The following QARS1 variants were observed in gnomAD, a reference collection of about 807,000 sequenced individuals.
QARS1 encodes glutamine--tRNA ligase.
QARS1 carries 79 observed loss-of-function variants against 106.9 expected under a neutral mutation model. The observed-to-expected ratio is 0.74, with a 90% CI of 0.62 to 0.89. The LOEUF is 0.89. QARS1 is among the 40% of genes least tolerant of loss of function. The pLI is 0.00. For missense variants in QARS1, 966 were observed against 997.2 expected (o/e 0.97, Z 0.42); for synonymous variants, 395 against 367.7 (o/e 1.07, Z -0.85).
chr3:49,103,952 T>C lies in QARS1; in HGVS notation c.286A>G (p.Ser96Gly). 2 of 1,613,900 alleles carry C rather than the reference T, an allele frequency of 1.2e-6. No homozygotes were observed. Among genetic ancestry groups the C allele is most frequent in the Non-Finnish European group, 1.7e-6 (2 of 1,179,990 alleles). Reference sequence around the variant, plus strand: ...GTGTCGATGGGGTCCAAGGGGTGACTCCGCACATACTCAAGGGCAGCTGAG... The same window carrying C: ...GTGTCGATGGGGTCCAAGGGGTGACCCCGCACATACTCAAGGGCAGCTGAG... ...QLSAALEYVRSHPLDPIDTVD... is the reference protein window; with the variant it reads ...QLSAALEYVRGHPLDPIDTVD... Residue 96 changes from serine (S) to glycine (G), a missense_variant, in exon 3 of 24, where the codon AGT (serine) becomes GGT (glycine). Physicochemically the swap from Ser to Gly is moderately conservative, Grantham distance 56. Transcript: ENST00000306125.
At chr3:49,101,135 C>T (rs914489120) in intron 10 of QARS1, among the ~76,000 whole-genome samples, 3 of 152,218 alleles carry the variant, frequency 2.0e-5, no homozygotes, top group Admixed American at 6.5e-5. Context: ...ACTGGCAACT[C>T]CCCCAAATTT....
intron 23 of QARS1, among the ~76,000 whole-genome samples, chr3:49,096,310 G>C (rs185650596): frequency 6.6e-6 from 1 of 152,342 alleles, no homozygotes; most frequent in South Asian, 2.1e-4. Flanking sequence ...TGGGGGTCCA[G>C]GGTATAGTTT....
chr3:49,099,735 C>T, intron 15 of QARS1, 26 bp downstream of exon 15: 1 of 1,613,648 alleles, frequency 6.2e-7, no homozygotes, highest in Non-Finnish European at 8.5e-7. Context: ...ACTGGCCCTA[C>T]CACCCCATGG....
rs749551140 is a variant in QARS1 at position 49,101,432 on chromosome 3, G to A, written c.799C>T (p.Arg267Trp). ...LEITGGQVRT[R>W]FPPEPNGILH... ...ATTCCATTGGGTTCTGGCGGGAACC[G>A]GGTACGTACCTAAAATAAGGGGGAT... The change falls in exon 10 of 24, where the codon CGG (arginine) becomes TGG (tryptophan). Residue 267 changes from arginine (R) to tryptophan (W), a missense_variant. By Grantham distance (101) the Arg-to-Trp change is moderately radical. Coordinates refer to ENST00000306125, the MANE Select transcript of QARS1 (RefSeq NM_005051.3). The A allele has an allele frequency of 5.6e-6, 9 of 1,612,990 alleles. No individual in the cohort carries two copies. Among genetic ancestry groups the A allele is most frequent in the Admixed American group, 1.7e-5 (1 of 60,002 alleles).
chr3:49,101,377 T>C lies in QARS1; in HGVS notation c.854A>G (p.Asn285Ser), dbSNP rs11539148. The C allele has an allele frequency of 0.055, 88,288 of 1,613,540 alleles. 2,813 individuals carry two copies. The highest frequency in any genetic ancestry group is 0.065 in the Non-Finnish European group (76,403 of 1,179,532). Residue 285 changes from asparagine (N) to serine (S), a missense_variant, in exon 10 of 24, where the codon AAT becomes AGT. Asn to Ser is a conservative substitution (Grantham distance 46). Transcript: ENST00000306125. Reference protein sequence around the residue: ...ILHIGHAKAINFNFGYAKANN... With the variant: ...ILHIGHAKAISFNFGYAKANN... ...TACCTTGGCATAGCCAAAGTTGAAA[T>C]TGATGGCTTTGGCATGTCCAATATG...
Position 49,099,154 on chromosome 3 carries a change from G to C in QARS1, c.1714C>G (p.Leu572Val), listed in dbSNP as rs1559966768. ...NDTAPRAMAV[L>V]ESLRVIITNF... ...GTGATGATGACCCGTAGTGACTCCA[G>C]CACAGCCATGGCTCGTGGGGCTGTG... is the stretch of plus-strand genomic sequence containing the variant. Residue 572 changes from leucine to valine, a missense_variant, in exon 18 of 24, where the codon CTG becomes GTG. Coordinates refer to ENST00000306125, the MANE Select transcript of QARS1 (RefSeq NM_005051.3). 3 of 1,614,194 alleles carry C rather than the reference G, an allele frequency of 1.9e-6. No individual in the cohort carries two copies. Among genetic ancestry groups the C allele is most frequent in the African/African-American group, 1.3e-5 (1 of 75,036 alleles).
In QARS1 at chr3:49,098,132, C is replaced by T; in HGVS notation, c.2152-15G>A. 6.2e-7 allele frequency: 1 copy of T among 1,614,218 alleles called. No homozygotes were observed. The highest frequency in any genetic ancestry group is 2.2e-5 in the East Asian group (1 of 44,876). On this transcript the variant is annotated splice_polypyrimidine_tract_variant and intron_variant, in intron 22 of 23. Transcript: ENST00000306125. ...TGTAGTGATGCCTGCAGGCAGGGAA[C>T]TCAGGCAACCATCCAACCAGGGAGG... is the stretch of plus-strand genomic sequence containing the variant.
chr3:49,098,657 G>A lies in QARS1; in HGVS notation c.1899C>T (p.Gly633=). The change falls in exon 20 of 24, where the codon GGC becomes GGT. Residue 633 remains glycine (G), a synonymous_variant. Transcript: ENST00000306125. ...PEPGFKRLAW[G]QPVGLRHTGY... ...CTGTATGCCTCAGGCCCACAGGCTG[G>A]CCCCAAGCCAGGCGCTTAAATCCTG... is the stretch of plus-strand genomic sequence containing the variant. 6.2e-7 allele frequency: 1 copy of A among 1,609,300 alleles called. No individual in the cohort carries two copies. The highest frequency in any genetic ancestry group is 8.5e-7 in the Non-Finnish European group (1 of 1,177,810).
chr3:49,101,755 G>C (rs1186813033), intron 8 of QARS1, 50 bp from the exon 9 acceptor site: 1 of 1,611,436 alleles, frequency 6.2e-7, no homozygotes, highest in Non-Finnish European at 8.5e-7. Flanking sequence ...CAAAGCCTCT[G>C]ACCCCAGGGG....
At chr3:49,104,029 AG>A in intron 2 of QARS1, 57 bp from the exon 3 acceptor site, 6 of 1,474,098 alleles carry the variant, frequency 4.1e-6, no homozygotes, top group Non-Finnish European at 5.6e-6. Context: ...GTGGACAGAC[AG>A]GGTCCTAATC....
At chr3:49,104,052 C>A (rs1268356566) in intron 2 of QARS1, 80 bp from the exon 3 acceptor site, 4 of 1,344,698 alleles carry the variant, frequency 3.0e-6, no homozygotes, top group African/African-American at 1.4e-5. Context: ...CATGAAACTC[C>A]AAGGATAGTC....
In QARS1 at chr3:49,096,043, GGTCTTCCTTCA is replaced by G; in HGVS notation, c.2303_2313del (p.Leu768ProfsTer10). The G allele has an allele frequency of 6.2e-7, 1 of 1,613,880 alleles. No homozygotes were observed. The highest frequency in any genetic ancestry group is 1.7e-5 in the Admixed American group (1 of 59,988). On this transcript the variant is annotated frameshift_variant, in exon 24 of 24. Coordinates refer to ENST00000306125, the MANE Select transcript of QARS1 (RefSeq NM_005051.3). LOFTEE classifies it high-confidence loss of function. Reference sequence around the variant, plus strand: ...GTGCTTCCAGCTCACACCTTTCCTGGGTCTTCCTTCAGTGTGACAGTTCGGTTAAAGACAAG... The same window carrying G: ...GTGCTTCCAGCTCACACCTTTCCTGGGTGTGACAGTTCGGTTAAAGACAAG...
chr3:49,096,592 G>A (rs1197460783), intron 23 of QARS1, among the ~76,000 whole-genome samples: 2 of 151,860 alleles, frequency 1.3e-5, no homozygotes, highest in Non-Finnish European at 2.9e-5. Flanking sequence ...GAGATCAGGA[G>A]ATCGAGACCA....
chr3:49,103,723 C>T lies in QARS1; in HGVS notation c.376-17G>A, dbSNP rs745755729. ...AGCCTCCACCTGCAGAAAGCCAAAC[C>T]ATGTGGTTCAGGAAAGCCACCTTTA... On this transcript the variant is annotated splice_polypyrimidine_tract_variant and intron_variant, in intron 3 of 23. Coordinates refer to ENST00000306125, the MANE Select transcript of QARS1 (RefSeq NM_005051.3). 1 of 1,612,854 alleles carries T rather than the reference C, an allele frequency of 6.2e-7. No individual in the cohort carries two copies. The highest frequency in any genetic ancestry group is 8.5e-7 in the Non-Finnish European group (1 of 1,179,428).
rs755259427 is a variant in QARS1 at position 49,099,156 on chromosome 3, A to G, written c.1712T>C (p.Val571Ala). The G allele has an allele frequency of 2.3e-5, 37 of 1,614,094 alleles. No individual in the cohort carries two copies. In the Admixed American group the frequency reaches 5.3e-4, roughly 23 times the overall value. Residue 571 changes from valine to alanine, a missense_variant, in exon 18 of 24, where the codon GTG (valine) becomes GCG (alanine). Coordinates refer to ENST00000306125, the MANE Select transcript of QARS1 (RefSeq NM_005051.3). ...LNDTAPRAMA[V>A]LESLRVIITN... ...GATGATGACCCGTAGTGACTCCAGCACAGCCATGGCTCGTGGGGCTGTGTC... is the reference window on the plus strand; with the variant it reads ...GATGATGACCCGTAGTGACTCCAGCGCAGCCATGGCTCGTGGGGCTGTGTC...
At chr3:49,099,021 C>T (rs769444269) in intron 18 of QARS1, 32 bp from the exon 19 acceptor site, 27 of 1,612,382 alleles carry the variant, frequency 1.7e-5, no homozygotes, top group Non-Finnish European at 2.3e-5. Context: ...AGGTATGAGT[C>T]ATACTCAGCA....
Position 49,104,113 on chromosome 3 carries a change from G to A in QARS1, c.266-141C>T, listed in dbSNP as rs552926859. ...GCACCACCACCCTAGAGAACACAGG[G>A]AAGAAAGAAGCACGTGTCGAGAGTG... is the stretch of plus-strand genomic sequence containing the variant. On this transcript the variant is annotated intron_variant, in intron 2 of 23. Coordinates refer to ENST00000306125, the MANE Select transcript of QARS1 (RefSeq NM_005051.3). 1.0e-4 allele frequency: 116 copies of A among 1,113,016 alleles called. 1 individual carries two copies. The highest frequency in any genetic ancestry group is 2.8e-4 in the South Asian group (22 of 78,074). 68.9% of individuals were successfully genotyped at this position (1,113,016 alleles called of 1,614,324 possible).
chr3:49,102,576 A>T lies in QARS1; in HGVS notation c.517-104T>A, dbSNP rs1027770109. ...AAGGCTTCCTGGCCTATCTACCAGC[A>T]CTGACTGAAAAAACCTACCTAGCCC... On this transcript the variant is annotated intron_variant, in intron 5 of 23. Coordinates refer to ENST00000306125, the MANE Select transcript of QARS1 (RefSeq NM_005051.3). The T allele has an allele frequency of 1.3e-5, 17 of 1,321,490 alleles. No individual in the cohort carries two copies. In the South Asian group the frequency reaches 2.1e-4, roughly 16 times the overall value. 81.9% of individuals were successfully genotyped at this position (1,321,490 alleles called of 1,614,324 possible).
In QARS1 at chr3:49,104,675, G is replaced by T; in HGVS notation, c.59C>A (p.Ala20Asp). ...AGCCGAGTTCTTGAGCGTCTCGCGGGCCTTCTGCTCGCTCAGGCCGAGGCT... is the reference window on the plus strand; with the variant it reads ...AGCCGAGTTCTTGAGCGTCTCGCGGTCCTTCTGCTCGCTCAGGCCGAGGCT... ...FTSLGLSEQKARETLKNSALS... is the reference protein window; with the variant it reads ...FTSLGLSEQKDRETLKNSALS... The change falls in exon 1 of 24, where the codon GCC becomes GAC. Residue 20 changes from alanine (A) to aspartate (D), a missense_variant. Ala to Asp is a moderately radical substitution (Grantham distance 126). Transcript: ENST00000306125. 1 of 1,610,706 alleles carries T rather than the reference G, an allele frequency of 6.2e-7. No homozygotes were observed. The highest frequency in any genetic ancestry group is 8.5e-7 in the Non-Finnish European group (1 of 1,177,722).
Sources: gnomAD v4.1 joint callset for allele counts (sites outside exome capture counted in the v4.1 genomes callset) on GRCh38, gnomAD v4.1.1 for gene constraint, MANE v1.5 for transcripts, NCBI Gene and HGNC (gene_info 2026-07-23, HGNC 2026-07-21) for gene names.